IQSEC2: variants seen among roughly 807,000 people sequenced by gnomAD.
IQSEC2 encodes IQ motif and Sec7 domain ArfGEF 2, also known as IQ motif and SEC7 domain-containing protein 2.
IQSEC2 carries 6 observed loss-of-function variants against 74.6 expected under a neutral mutation model. That is an observed-to-expected ratio of 0.08 (90% confidence interval 0.04 to 0.16). IQSEC2 has a LOEUF of 0.16. Ranked by LOEUF, IQSEC2 falls within the 10% of genes least tolerant of loss-of-function variation. The pLI, the probability that IQSEC2 is intolerant of heterozygous loss-of-function variation, is 1.00. For synonymous variants in IQSEC2, 494 were observed against 544.5 expected, an observed-to-expected ratio of 0.91 and a Z score of 1.29; for missense variants, 734 against 1,306.2, an observed-to-expected ratio of 0.56 and a Z score of 6.75.
At chrX:53,302,570 A>C (rs966929331) in intron 1 of IQSEC2, among the ~76,000 whole-genome samples, 1 of 112,020 alleles carries the variant, frequency 8.9e-6, no homozygotes, top group South Asian at 3.7e-4. Flanking sequence ...ACTGCACTCT[A>C]GCCTGGGCAA....
chrX:53,294,820 ATTTG>A (rs1472814237), intron 1 of IQSEC2, among the ~76,000 whole-genome samples: 2 of 110,321 alleles, frequency 1.8e-5, no homozygotes, highest in Non-Finnish European at 3.8e-5. Context: ...TTATTTATTT[ATTTG>A]TTTGTTTGTT....
chrX:53,290,255 T>C lies in IQSEC2; in HGVS notation c.737+1640A>G, dbSNP rs181604819. On this transcript the variant is annotated intron_variant, in intron 2 of 14. Coordinates refer to ENST00000642864, the MANE Select transcript of IQSEC2 (RefSeq NM_001111125.3). Reference sequence around the variant, plus strand: ...GCTCAGGTTCTACCTACAGTGTCACTGGGAGGATCAGACAAAAGAAAGTCC... The same window carrying C: ...GCTCAGGTTCTACCTACAGTGTCACCGGGAGGATCAGACAAAAGAAAGTCC... 8.0e-5 allele frequency among the ~76,000 whole-genome samples: 9 copies of C among 112,046 alleles called. No individual in the cohort carries two copies. The East Asian group carries it at 2.5e-3, about 31-fold the overall frequency.
In IQSEC2 at chrX:53,233,699, G is replaced by C. The variant is rs962262813; in HGVS notation, c.*520C>G. On this transcript the variant is annotated 3_prime_UTR_variant, in exon 15 of 15. Coordinates refer to ENST00000642864, the MANE Select transcript of IQSEC2 (RefSeq NM_001111125.3). Reference sequence around the variant, plus strand: ...CCAGCAGGCAAAAAGACACATGGAAGTGTGTGGCCAGGCCCTGAGGTCAGA... The same window carrying C: ...CCAGCAGGCAAAAAGACACATGGAACTGTGTGGCCAGGCCCTGAGGTCAGA... 1 of 289,437 alleles carries C rather than the reference G, an allele frequency of 3.5e-6. No individual in the cohort carries two copies. The highest frequency in any genetic ancestry group is 2.7e-5 in the African/African-American group (1 of 36,409). The allele number at this position is 289,437 out of a possible 1,213,427, so 23.9% of individuals were successfully genotyped here. A position where few individuals can be genotyped will look rare whatever the true frequency, so the allele number is the denominator to read the frequency against.
At chrX:53,284,327 C>T (rs2075004492) in intron 2 of IQSEC2, among the ~76,000 whole-genome samples, 1 of 110,118 alleles carries the variant, frequency 9.1e-6, no homozygotes. Flanking sequence ...GAGCTAGCCC[C>T]TACCCCATAC....
At chrX:53,271,042 C>CA (rs369719628) in intron 2 of IQSEC2, among the ~76,000 whole-genome samples, 151 of 105,533 alleles carry the variant, frequency 1.4e-3, no homozygotes, top group East Asian at 0.013. Flanking sequence ...AACTGCCTAC[C>CA]AAAAAAAAAA....
chrX:53,257,501 A>G (rs1320587067), intron 2 of IQSEC2, among the ~76,000 whole-genome samples: 7 of 111,511 alleles, frequency 6.3e-5, no homozygotes, highest in African/African-American at 2.3e-4. Flanking sequence ...TCCAGGGTTC[A>G]GCCCCAGCTC....
intron 2 of IQSEC2, among the ~76,000 whole-genome samples, chrX:53,274,033 G>A (rs2074783187): frequency 8.9e-6 from 1 of 112,569 alleles, no homozygotes; most frequent in Admixed American, 9.4e-5. Context: ...TTTGCAGTCT[G>A]GCTGTAAAGA....
intron 2 of IQSEC2, among the ~76,000 whole-genome samples, chrX:53,271,827 A>G (rs782371252): frequency 9.0e-6 from 1 of 111,730 alleles, no homozygotes; most frequent in African/African-American, 3.2e-5. Context: ...GTCACCAACA[A>G]TATTGGTTCT....
At chrX:53,286,917 G>A (rs1166047437) in intron 2 of IQSEC2, among the ~76,000 whole-genome samples, 1 of 89,724 alleles carries the variant, frequency 1.1e-5, no homozygotes, top group African/African-American at 4.2e-5. Flanking sequence ...TCCAGCCTGG[G>A]CGACAGAGCA....
intron 2 of IQSEC2, among the ~76,000 whole-genome samples, chrX:53,284,337 C>A (rs1208176409): frequency 2.7e-5 from 3 of 110,089 alleles, no homozygotes; most frequent in Non-Finnish European, 5.7e-5. Context: ...CTACCCCATA[C>A]CTCCAGCTAG....
At chrX:53,247,685 A>G (rs2074328525) in intron 7 of IQSEC2, among the ~76,000 whole-genome samples, 1 of 112,145 alleles carries the variant, frequency 8.9e-6, no homozygotes, top group Non-Finnish European at 1.9e-5. Context: ...ACGAGTTCAA[A>G]TCCTGTTTCT....
At chrX:53,282,551 CA>C (rs1556871100) in intron 2 of IQSEC2, among the ~76,000 whole-genome samples, 1 of 112,710 alleles carries the variant, frequency 8.9e-6, no homozygotes, top group African/African-American at 3.2e-5. Flanking sequence ...TGGGAGGGGC[CA>C]GGGGGCCAGT....
At position 53,236,073 on chromosome X, in the gene IQSEC2, GA is replaced by G; in HGVS notation, c.3452-242del. Among the ~76,000 whole-genome samples the G allele has an allele frequency of 1.8e-5, 2 of 111,946 alleles. 1 individual carries two copies. The highest frequency in any genetic ancestry group is 8.5e-3 in the Middle Eastern group (2 of 235). On this transcript the variant is annotated intron_variant, in intron 13 of 14. Coordinates refer to ENST00000642864, the MANE Select transcript of IQSEC2 (RefSeq NM_001111125.3). The stretch of plus-strand genomic sequence containing the variant: ...AGACAGAAGAGGGAGAAGAGGAGGA[GA>G]GGGGGAGCAGCGAGAGAGAGGGACC...
At chrX:53,279,546 G>A in intron 2 of IQSEC2, 1 of 1,049,342 alleles carries the variant, frequency 9.5e-7, no homozygotes, top group Non-Finnish European at 1.3e-6. Flanking sequence ...TTGGGGGAGG[G>A]ATGGGTCTAG....
In IQSEC2 at chrX:53,250,858, C is replaced by T. The variant is rs2074376107; in HGVS notation, c.1718G>A (p.Arg573His). 7 of 1,208,652 alleles carry T rather than the reference C, an allele frequency of 5.8e-6. No individual in the cohort carries two copies. The highest frequency in any genetic ancestry group is 2.2e-5 in the Admixed American group (1 of 45,747). Residue 573 changes from arginine (R) to histidine (H), a missense_variant, in exon 5 of 15, where the codon CGC becomes CAC. Around this residue, in one of 12 missense-constraint regions of IQSEC2, gnomAD observed 204 missense variants for 305.4 expected, o/e 0.67. Coordinates refer to ENST00000642864, the MANE Select transcript of IQSEC2 (RefSeq NM_001111125.3). ...REDGSREEGT[R>H]RGPGCLECRD... Reference sequence around the variant, plus strand: ...GCACTCCAAGCACCCGGGACCCCTGCGAGTGCCTTCCTCACGGCTACCGTC... The same window carrying T: ...GCACTCCAAGCACCCGGGACCCCTGTGAGTGCCTTCCTCACGGCTACCGTC...
At chrX:53,275,425 G>T (rs1556869328) in intron 2 of IQSEC2, among the ~76,000 whole-genome samples, 1 of 110,193 alleles carries the variant, frequency 9.1e-6, no homozygotes, top group African/African-American at 3.3e-5. Flanking sequence ...AAGTGCTGGG[G>T]TTACAGGCAT....
intron 1 of IQSEC2, among the ~76,000 whole-genome samples, chrX:53,314,188 G>A (rs1454399205): frequency 3.6e-5 from 4 of 111,685 alleles, no homozygotes; most frequent in Non-Finnish European, 5.6e-5. Context: ...AGGAGTCCTG[G>A]AAGGAAGAAA....
intron 2 of IQSEC2, among the ~76,000 whole-genome samples, chrX:53,278,372 C>T (rs1396989967): frequency 2.7e-5 from 3 of 111,083 alleles, no homozygotes; most frequent in African/African-American, 9.8e-5. Context: ...AATCCCCTTC[C>T]TTATTTCTTA....
chrX:53,232,395 G>A (rs1259751425), downstream of IQSEC2, among the ~76,000 whole-genome samples: 3 of 111,853 alleles, frequency 2.7e-5, no homozygotes, highest in Non-Finnish European at 5.6e-5. Context: ...CCAAGGCCAG[G>A]CCAGGCCAGC....
Sources: allele counts gnomAD v4.1 joint callset (sites outside exome capture counted in the v4.1 genomes callset), GRCh38; gene constraint gnomAD v4.1.1; regional missense constraint gnomAD v4.1.1; transcripts MANE v1.5; gene names NCBI Gene and HGNC (gene_info 2026-07-23, HGNC 2026-07-21).